Variants in ATXN1 observed in about 807,000 individuals in gnomAD.
ATXN1 encodes the protein ataxin-1.
In ATXN1, 8 loss-of-function variants were observed where a neutral mutation model predicts 56.4. The observed-to-expected ratio is 0.14, with a 90% confidence interval of 0.08 to 0.26. ATXN1 has a LOEUF of 0.26. ATXN1 is among the 10% of genes least tolerant of loss of function. The pLI is 1.00. For missense variants in ATXN1, 987 were observed against 1,106.5 expected (o/e 0.89, Z 1.53); for synonymous variants, 514 against 494.6 (o/e 1.04, Z -0.52).
intron 3 of ATXN1, among the ~76,000 whole-genome samples, chr6:16,589,116 TC>T (rs1762678604): frequency 6.6e-6 from 1 of 152,096 alleles, no homozygotes; most frequent in Non-Finnish European, 1.5e-5. Context: ...TCTTCAAGTC[TC>T]AGGGCTGGGG....
chr6:16,669,047 TA>T (rs1227945471), intron 2 of ATXN1, among the ~76,000 whole-genome samples: 4 of 152,124 alleles, frequency 2.6e-5, no homozygotes, highest in Admixed American at 6.5e-5. Context: ...AATCAAGCAA[TA>T]ATAACAACAA....
At chr6:16,730,825 G>A (rs564781495) in intron 2 of ATXN1, among the ~76,000 whole-genome samples, 2 of 152,088 alleles carry the variant, frequency 1.3e-5, no homozygotes, top group South Asian at 4.1e-4. Context: ...TTTATTCCAG[G>A]TCAAATTTCA....
chr6:16,370,794 CTAGT>C (rs1174878432), intron 6 of ATXN1, among the ~76,000 whole-genome samples: 3 of 152,100 alleles, frequency 2.0e-5, no homozygotes, highest in Admixed American at 6.5e-5. Context: ...TTTTTTAAAG[CTAGT>C]TAAAGGAAGA....
intron 6 of ATXN1, among the ~76,000 whole-genome samples, chr6:16,386,510 G>T (rs888199681): frequency 6.6e-6 from 1 of 152,144 alleles, no homozygotes; most frequent in Admixed American, 6.5e-5. Context: ...GAAATGCAAG[G>T]AGAAACCTAT....
chr6:16,313,832 G>A (rs74800515), intron 7 of ATXN1, among the ~76,000 whole-genome samples: 6,183 of 152,232 alleles, frequency 0.041, 175 homozygotes, highest in Middle Eastern at 0.092. Flanking sequence ...AAAATGCTAG[G>A]ATTACAGAAG....
chr6:16,644,563 GGTGT>G (rs113345902), intron 3 of ATXN1, among the ~76,000 whole-genome samples: 66 of 142,922 alleles, frequency 4.6e-4, no homozygotes, highest in East Asian at 1.6e-3. Context: ...TAAATTTTAT[GGTGT>G]GTGTGTGTGT....
intron 3 of ATXN1, among the ~76,000 whole-genome samples, chr6:16,620,122 C>G (rs1018416906): frequency 4.6e-5 from 7 of 152,098 alleles, no homozygotes; most frequent in Middle Eastern, 6.8e-3. Flanking sequence ...AAACAATAAC[C>G]CCCCTCAACC....
intron 6 of ATXN1, among the ~76,000 whole-genome samples, chr6:16,468,390 T>C (rs1208533104): frequency 3.9e-5 from 6 of 152,070 alleles, no homozygotes; most frequent in Admixed American, 3.3e-4. Flanking sequence ...GGGGTTTCAC[T>C]GTGTTAGTCA....
chr6:16,671,089 TC>T (rs141616108), intron 2 of ATXN1, among the ~76,000 whole-genome samples: 24,820 of 152,186 alleles, frequency 0.16, 2,167 homozygotes, highest in East Asian at 0.33. Context: ...GTTTTACATT[TC>T]TAAACAAGTG....
chr6:16,496,627 G>A (rs1386195851), intron 5 of ATXN1, among the ~76,000 whole-genome samples: 1 of 152,124 alleles, frequency 6.6e-6, no homozygotes. Context: ...ACTATTTTAT[G>A]AGTAAAGGAC....
intron 6 of ATXN1, among the ~76,000 whole-genome samples, chr6:16,338,626 A>G (rs970762703): frequency 6.6e-6 from 1 of 152,238 alleles, no homozygotes; most frequent in Non-Finnish European, 1.5e-5. Context: ...CACAGTGCCT[A>G]GTATAACACA....
intron 5 of ATXN1, among the ~76,000 whole-genome samples, chr6:16,513,593 G>T (rs1335321320): frequency 6.6e-6 from 1 of 152,130 alleles, no homozygotes; most frequent in Non-Finnish European, 1.5e-5. Context: ...CAATCTAACA[G>T]GCCACGGTGA....
intron 4 of ATXN1, among the ~76,000 whole-genome samples, chr6:16,569,989 C>T (rs558857156): frequency 3.3e-5 from 5 of 152,178 alleles, no homozygotes; most frequent in South Asian, 4.1e-4. Flanking sequence ...ACCATACAGA[C>T]GCCCTCTCCA....
rs1483569833 is a variant in ATXN1, at chr6:16,306,316, C to T, written c.*13G>A. ...ATAAGGGAGAGCCACGTTTCCTTTC[C>T]CCCACGCTGCCTCTACTTGCCTACA... On this transcript the variant is annotated 3_prime_UTR_variant, in exon 8 of 8. Transcript: ENST00000436367. The surrounding 1 kb of genome is among the most constrained non-coding windows in gnomAD (Gnocchi z 5.2). 3.8e-6 allele frequency: 6 copies of T among 1,585,388 alleles called. No homozygotes were observed. The highest frequency in any genetic ancestry group is 4.3e-6 in the Non-Finnish European group (5 of 1,167,458).
chr6:16,578,122 A>C (rs917399855), intron 4 of ATXN1, among the ~76,000 whole-genome samples: 1 of 152,148 alleles, frequency 6.6e-6, no homozygotes, highest in Non-Finnish European at 1.5e-5. Flanking sequence ...TCATTACATA[A>C]ACATTTTATG....
chr6:16,755,751 A>T (rs1164899798), intron 1 of ATXN1, among the ~76,000 whole-genome samples: 1 of 152,052 alleles, frequency 6.6e-6, no homozygotes, highest in Admixed American at 6.5e-5. Context: ...TCTTAGCCCA[A>T]ATCAAAACAT....
intron 2 of ATXN1, chr6:16,738,531 A>G (rs1019571483): frequency 6.6e-6 from 1 of 152,198 alleles, no homozygotes; most frequent in Non-Finnish European, 1.5e-5. Flanking sequence ...TATTATGCAA[A>G]TAGGTGAAGT....
At chr6:16,335,858 C>T (rs947138526) in intron 6 of ATXN1, among the ~76,000 whole-genome samples, 6 of 152,172 alleles carry the variant, frequency 3.9e-5, no homozygotes, top group African/African-American at 7.2e-5. Flanking sequence ...AAGGATCACC[C>T]GAAGCTACTA....
chr6:16,731,479 T>TTTTTTA (rs1759983569), intron 2 of ATXN1, among the ~76,000 whole-genome samples: 1 of 134,754 alleles, frequency 7.4e-6, no homozygotes, highest in African/African-American at 3.0e-5. Flanking sequence ...TTTTTTTTTT[T>TTTTTTA]TTTTAATAAA....
Sources: gnomAD v4.1 joint callset for allele counts (sites outside exome capture counted in the v4.1 genomes callset) on GRCh38, gnomAD v4.1.1 for gene constraint, Gnocchi (gnomAD v3.1) non-coding constraint, MANE v1.5 for transcripts, NCBI Gene and HGNC (gene_info 2026-07-23, HGNC 2026-07-21) for gene names.